Variants in TMEM135 observed in about 807,000 individuals in gnomAD.
The protein encoded by TMEM135 is transmembrane protein 135.
Under a neutral mutation model 60.3 loss-of-function variants are expected in TMEM135, and 30 were observed. The ratio of observed to expected loss-of-function variants is 0.50; its 90% CI spans 0.37 to 0.68. The LOEUF is 0.68. Among genes scored for constraint, TMEM135 ranks in the 30% least tolerant of loss-of-function variants. TMEM135 has a pLI of 0.00. For missense variants in TMEM135, 468 were observed against 548.8 expected (o/e 0.85, Z 1.47); for synonymous variants, 190 against 186.7 (o/e 1.02, Z -0.14).
chr11:87,279,066 T>C (rs1942016248), intron 6 of TMEM135, among the ~76,000 whole-genome samples: 1 of 152,226 alleles, frequency 6.6e-6, no homozygotes, highest in African/African-American at 2.4e-5. Flanking sequence ...TATTTTATTA[T>C]ATGGATATGC....
At chr11:87,102,666 T>G (rs1267385522) in intron 4 of TMEM135, among the ~76,000 whole-genome samples, 1 of 148,360 alleles carries the variant, frequency 6.7e-6, no homozygotes, top group African/African-American at 2.5e-5. Flanking sequence ...GGGTGCAATG[T>G]GATGTTTTGA....
At chr11:87,102,718 A>ATATATATG (rs1565441744) in intron 4 of TMEM135, among the ~76,000 whole-genome samples, 7 of 59,874 alleles carry the variant, frequency 1.2e-4, no homozygotes, top group East Asian at 4.9e-4. Flanking sequence ...ATATATGTAT[A>ATATATATG]TATATATATG....
At chr11:87,219,646 A>C (rs539097008) in intron 5 of TMEM135, among the ~76,000 whole-genome samples, 1 of 152,294 alleles carries the variant, frequency 6.6e-6, no homozygotes, top group South Asian at 2.1e-4. Flanking sequence ...TTACTTTCCT[A>C]ACAGCCATCT....
intron 4 of TMEM135, among the ~76,000 whole-genome samples, chr11:87,149,408 G>A (rs500109): frequency 0.24 from 36,231 of 152,032 alleles, 5,099 homozygotes; most frequent in East Asian, 0.61. Flanking sequence ...ATTCAGAGAG[G>A]GAGAGGGAAG....
At chr11:87,130,934 CTT>C (rs750218106) in intron 4 of TMEM135, among the ~76,000 whole-genome samples, 11 of 142,582 alleles carry the variant, frequency 7.7e-5, no homozygotes, top group Admixed American at 1.4e-4. Context: ...TTACAGTTTT[CTT>C]TTTTTTTTTT....
intron 1 of TMEM135, among the ~76,000 whole-genome samples, chr11:87,045,018 TG>T (rs1247933491): frequency 2.0e-5 from 3 of 151,618 alleles, no homozygotes; most frequent in Admixed American, 2.0e-4. Flanking sequence ...GTTTTGAGTT[TG>T]TTGAAGGTGT....
intron 4 of TMEM135, among the ~76,000 whole-genome samples, chr11:87,099,404 T>A (rs527628114): frequency 1.3e-5 from 2 of 152,254 alleles, no homozygotes; most frequent in South Asian, 4.1e-4. Context: ...CTTTACCCAT[T>A]TTCCCCCAAT....
intron 3 of TMEM135, among the ~76,000 whole-genome samples, chr11:87,086,541 A>C (rs75410924): frequency 3.4e-5 from 5 of 148,006 alleles, no homozygotes; most frequent in South Asian, 2.4e-4. Context: ...GTGGTCCCCC[A>C]CCCCCACAGT....
intron 6 of TMEM135, among the ~76,000 whole-genome samples, chr11:87,290,674 A>G (rs983601248): frequency 5.3e-5 from 8 of 152,182 alleles, no homozygotes; most frequent in Admixed American, 5.2e-4. Flanking sequence ...TTTCCTGTAC[A>G]TAGTATGCGA....
At chr11:87,264,312 C>T (rs56208389) in intron 6 of TMEM135, among the ~76,000 whole-genome samples, 50,619 of 146,228 alleles carry the variant, frequency 0.35, 9,286 homozygotes, top group Non-Finnish European at 0.42. Flanking sequence ...TTTTTCTTTT[C>T]TTTTTTTTTG....
intron 5 of TMEM135, among the ~76,000 whole-genome samples, chr11:87,171,557 C>A (rs552521): frequency 0.37 from 55,971 of 151,872 alleles, 10,846 homozygotes; most frequent in East Asian, 0.67. Flanking sequence ...AAAAAATACT[C>A]GTCTGCATGT....
chr11:87,065,540 GAC>G (rs1268876540), intron 1 of TMEM135, among the ~76,000 whole-genome samples: 1 of 152,046 alleles, frequency 6.6e-6, no homozygotes, highest in East Asian at 1.9e-4. Flanking sequence ...TGAGTTTTGG[GAC>G]TTCTTTATGT....
chr11:87,073,315 G>C (rs529018857), intron 3 of TMEM135, among the ~76,000 whole-genome samples: 5 of 152,222 alleles, frequency 3.3e-5, no homozygotes, highest in African/African-American at 1.2e-4. Flanking sequence ...TTAGAGGTGT[G>C]AGCCATCGCA....
chr11:87,209,068 C>G (rs1438991704), intron 5 of TMEM135, among the ~76,000 whole-genome samples: 3 of 152,098 alleles, frequency 2.0e-5, no homozygotes, highest in South Asian at 2.1e-4. Context: ...GAGTACTAAA[C>G]ATGGAAAAGA....
At chr11:87,129,213 ATTTTTTTTTTTTTTTTTTTTTTTTTTTTT>A (rs71040295) in intron 4 of TMEM135, among the ~76,000 whole-genome samples, 43 of 116,168 alleles carry the variant, frequency 3.7e-4, no homozygotes, top group Non-Finnish European at 6.4e-4. Flanking sequence ...TTATTCCTTA[ATTTTTTTTTTTTTTTTTTTTTTTTTTTTT>A]TTTTTTTTTT....
At chr11:87,265,125 T>G (rs921071111) in intron 6 of TMEM135, among the ~76,000 whole-genome samples, 6 of 151,926 alleles carry the variant, frequency 3.9e-5, no homozygotes, top group Admixed American at 1.3e-4. Context: ...TTAGATCAGC[T>G]CTTTTGGAAG....
chr11:87,325,633 G>T lies in TMEM135; in HGVS notation c.*4300G>T. ...TTCATTGCAACCTTTTAAGCCAGCC[G>T]TTCAAGTGAGAGGCTCTGGAGTGAT... On this transcript the variant is annotated 3_prime_UTR_variant, in exon 15 of 15. Coordinates refer to ENST00000305494, the MANE Select transcript of TMEM135 (RefSeq NM_022918.4). 1 of 453,826 alleles carries T rather than the reference G, an allele frequency of 2.2e-6. No homozygotes were observed. Among genetic ancestry groups the T allele is most frequent in the Non-Finnish European group, 4.4e-6 (1 of 226,758 alleles). The allele number at this position is 453,826 out of a possible 1,614,324, so 28.1% of individuals were successfully genotyped here. A position where few individuals can be genotyped will look rare whatever the true frequency, so the allele number is the denominator to read the frequency against.
chr11:87,241,591 A>G (rs562678764), intron 6 of TMEM135, among the ~76,000 whole-genome samples: 23 of 152,216 alleles, frequency 1.5e-4, no homozygotes, highest in South Asian at 1.0e-3. Flanking sequence ...ATCAAATAGT[A>G]GTTCTTATTC....
chr11:87,258,836 C>T (rs962430420), intron 6 of TMEM135: 31 of 713,724 alleles, frequency 4.3e-5, no homozygotes, highest in African/African-American at 5.3e-5. Flanking sequence ...AGCTCATATA[C>T]GGCAGTAACA....
Sources: gnomAD v4.1 joint callset for allele counts (sites outside exome capture counted in the v4.1 genomes callset) on GRCh38, gnomAD v4.1.1 for gene constraint, MANE v1.5 for transcripts, NCBI Gene and HGNC (gene_info 2026-07-23, HGNC 2026-07-21) for gene names.